The following RBBP5 variants were observed in gnomAD, a reference collection of about 807,000 sequenced individuals.
RBBP5 encodes the protein RB binding protein 5, histone lysine methyltransferase complex subunit, also known as retinoblastoma-binding protein 5.
A neutral mutation model predicts 72.2 loss-of-function variants in RBBP5; 5 were observed. The observed-to-expected ratio is 0.07, with a 90% confidence interval of 0.04 to 0.15. The LOEUF (loss-of-function observed/expected upper bound fraction) is 0.15, where lower values mean the gene tolerates loss of function less well. RBBP5 is among the 10% of genes least tolerant of loss of function. RBBP5 has a pLI of 1.00. For missense variants in RBBP5, 322 were observed against 652.2 expected, an observed-to-expected ratio of 0.49 and a Z score of 5.51; for synonymous variants, 209 against 237.2, an observed-to-expected ratio of 0.88 and a Z score of 1.09.
chr1:205,095,117 C>A, intron 12 of RBBP5, 53 bp from the exon 13 acceptor site: 2 of 1,533,992 alleles, frequency 1.3e-6, no homozygotes, highest in Non-Finnish European at 9.0e-7. Flanking sequence ...GTCTCATCAC[C>A]CCAACCACAA....
At chr1:205,104,065 G>A in intron 4 of RBBP5, 46 bp from the exon 5 acceptor site, 1 of 1,580,800 alleles carries the variant, frequency 6.3e-7, no homozygotes, top group South Asian at 1.1e-5. Context: ...TTTGGTATCA[G>A]CAAGCTGATT....
At chr1:205,116,103 T>C in intron 1 of RBBP5, 1 of 839,696 alleles carries the variant, frequency 1.2e-6, no homozygotes, top group Non-Finnish European at 1.8e-6. Flanking sequence ...TGAGACTATA[T>C]GACCTGGGAT....
intron 10 of RBBP5, among the ~76,000 whole-genome samples, chr1:205,098,511 G>C (rs377590175): frequency 6.6e-6 from 1 of 152,010 alleles, no homozygotes; most frequent in African/African-American, 2.4e-5. Flanking sequence ...CAAATACTGT[G>C]GAAATTGTGT....
chr1:205,100,451 C>G (rs1574697572), intron 6 of RBBP5, among the ~76,000 whole-genome samples, 180 bp from the exon 7 acceptor site: 1 of 152,158 alleles, frequency 6.6e-6, no homozygotes, highest in African/African-American at 2.4e-5. Context: ...ATGTTTTATA[C>G]TTCCTGTGTA....
At chr1:205,105,911 C>T (rs1398014945) in intron 3 of RBBP5, among the ~76,000 whole-genome samples, 2 of 152,194 alleles carry the variant, frequency 1.3e-5, no homozygotes, top group Middle Eastern at 3.2e-3. Flanking sequence ...AAAAGAAATG[C>T]AAATCCCCCT....
rs776472299 is a variant in RBBP5 at position 205,097,315 on chromosome 1, G to T, written c.1166+11C>A. ...AGTAGCCAAGGTGCCCAGCCTTCCG[G>T]GCCGGCTCACCTGCTACAGAAGGCA... On this transcript the variant is annotated intron_variant, in intron 11 of 13. Coordinates refer to ENST00000264515, the MANE Select transcript of RBBP5 (RefSeq NM_005057.4). 15 of 1,551,420 alleles carry T rather than the reference G, an allele frequency of 9.7e-6. No individual in the cohort carries two copies. The South Asian group carries it at 1.7e-4, about 17-fold the overall frequency.
At chr1:205,095,169 T>C in intron 12 of RBBP5, 105 bp from the exon 13 acceptor site, 10 of 1,045,388 alleles carry the variant, frequency 9.6e-6, no homozygotes, top group Non-Finnish European at 1.4e-5. Context: ...CCAGATCAAT[T>C]AATAATTATA....
chr1:205,097,710 G>A (rs1006228186), intron 10 of RBBP5, among the ~76,000 whole-genome samples: 1 of 152,166 alleles, frequency 6.6e-6, no homozygotes, highest in Non-Finnish European at 1.5e-5. Flanking sequence ...TGGGAAGGAG[G>A]AACAATTTAT....
intron 3 of RBBP5, among the ~76,000 whole-genome samples, chr1:205,109,633 A>G (rs1011312736): frequency 6.6e-6 from 1 of 152,236 alleles, no homozygotes; most frequent in Non-Finnish European, 1.5e-5. Context: ...TTTCTTTCAC[A>G]GCAAGCTTGT....
chr1:205,097,225 A>G (rs1655652194), intron 11 of RBBP5, 101 bp downstream of exon 11: 2 of 1,139,002 alleles, frequency 1.8e-6, no homozygotes, highest in African/African-American at 1.6e-5. Flanking sequence ...TTAGCTAATA[A>G]GCAGACGGGA....
At chr1:205,121,810 C>G in intron 1 of RBBP5, 45 bp downstream of exon 1, 1 of 1,611,850 alleles carries the variant, frequency 6.2e-7, no homozygotes, top group Non-Finnish European at 8.5e-7. Flanking sequence ...TCCCTCCTTT[C>G]CAGTACCCAA....
intron 13 of RBBP5, among the ~76,000 whole-genome samples, chr1:205,093,519 TATATATATATATATAC>T (rs1159051035): frequency 3.1e-4 from 6 of 19,218 alleles, no homozygotes; most frequent in African/African-American, 1.2e-3. Context: ...TATATATATA[TATATATATATATATAC>T]ACACACACAC....
chr1:205,116,514 A>G (rs1352248925), intron 1 of RBBP5, among the ~76,000 whole-genome samples: 3 of 152,118 alleles, frequency 2.0e-5, no homozygotes, highest in Non-Finnish European at 4.4e-5. Context: ...TTTATTTCCA[A>G]ATTTACTAAG....
chr1:205,098,261 C>G (rs1177500594), intron 10 of RBBP5, among the ~76,000 whole-genome samples: 1 of 152,190 alleles, frequency 6.6e-6, no homozygotes, highest in Non-Finnish European at 1.5e-5. Flanking sequence ...TTGCCCAAGG[C>G]AGTCTGACTT....
In RBBP5 at chr1:205,088,194, A is replaced by T. The variant is rs1655204068; in HGVS notation, c.*593T>A. 1 of 152,284 alleles carries T rather than the reference A, an allele frequency of 6.6e-6. No individual in the cohort carries two copies. Among genetic ancestry groups the T allele is most frequent in the Non-Finnish European group, 1.5e-5 (1 of 68,080 alleles). 9.4% of individuals were successfully genotyped at this position (152,284 alleles called of 1,614,324 possible). On this transcript the variant is annotated 3_prime_UTR_variant, in exon 14 of 14. Coordinates refer to ENST00000264515, the MANE Select transcript of RBBP5 (RefSeq NM_005057.4). ...AGCTTCTTGAGCAAAACGTGGTATG[A>T]GAGGAAGAGAGGGCCTTCGTTGTTC...
intron 4 of RBBP5, among the ~76,000 whole-genome samples, chr1:205,104,766 G>C (rs1220344642): frequency 6.6e-6 from 1 of 152,112 alleles, no homozygotes; most frequent in African/African-American, 2.4e-5. Flanking sequence ...TTGAACCCAG[G>C]AGGCAGAGGT....
At chr1:205,116,358 A>G (rs1362710746) in intron 1 of RBBP5, 2 of 358,322 alleles carry the variant, frequency 5.6e-6, no homozygotes, top group Non-Finnish European at 1.2e-5. Flanking sequence ...TGGTAGGTAG[A>G]TATCACCTAC....
intron 10 of RBBP5, 102 bp from the exon 11 acceptor site, chr1:205,097,497 G>A (rs1655661961): frequency 8.9e-7 from 1 of 1,120,504 alleles, no homozygotes; most frequent in African/African-American, 1.5e-5. Context: ...AGAAACAAAG[G>A]AGGAAAACCA....
chr1:205,109,445 G>A (rs1454379383), intron 3 of RBBP5, among the ~76,000 whole-genome samples: 1 of 152,110 alleles, frequency 6.6e-6, no homozygotes, highest in Non-Finnish European at 1.5e-5. Context: ...GACTGAGAGT[G>A]AGGAGAAAAA....
Sources: gnomAD v4.1 joint callset for allele counts (sites outside exome capture counted in the v4.1 genomes callset) on GRCh38, gnomAD v4.1.1 for gene constraint, MANE v1.5 for transcripts, NCBI Gene and HGNC (gene_info 2026-07-23, HGNC 2026-07-21) for gene names.